RALGAPA1: variants seen among roughly 807,000 people sequenced by gnomAD.
The protein encoded by RALGAPA1 is Ral GTPase activating protein catalytic subunit alpha 1.
Under a neutral mutation model 269.6 loss-of-function variants are expected in RALGAPA1, and 52 were observed. That is an observed-to-expected ratio of 0.19 (90% CI 0.15 to 0.24). The LOEUF (loss-of-function observed/expected upper bound fraction) is 0.24. Ranked by LOEUF, RALGAPA1 falls within the 10% of genes least tolerant of loss-of-function variation. The probability of loss-of-function intolerance (pLI) is 1.00; values close to 1 mark genes in which losing one functional copy is unlikely to be tolerated. For synonymous variants in RALGAPA1, 817 were observed against 1,008.3 expected (o/e 0.81, Z 3.60); for missense variants, 1,917 against 3,013.9 (o/e 0.64, Z 8.52).
chr14:35,751,743 T>C (rs759050442), intron 8 of RALGAPA1, among the ~76,000 whole-genome samples: 54 of 151,360 alleles, frequency 3.6e-4, no homozygotes, highest in Non-Finnish European at 5.0e-4. Context: ...ATTATGCCAT[T>C]GCACTCCAGC....
intron 39 of RALGAPA1, among the ~76,000 whole-genome samples, chr14:35,556,837 T>G (rs947671991): frequency 6.6e-6 from 1 of 152,176 alleles, no homozygotes; most frequent in Non-Finnish European, 1.5e-5. Flanking sequence ...ATAGCCCTAT[T>G]ATTGAAAGCT....
At chr14:35,636,396 T>A (rs762698369) in intron 31 of RALGAPA1, among the ~76,000 whole-genome samples, 19 of 152,042 alleles carry the variant, frequency 1.2e-4, no homozygotes, top group Non-Finnish European at 2.5e-4. Flanking sequence ...CTGGTCTACA[T>A]CTCCCAACAT....
chr14:35,731,437 G>C (rs890724634), intron 12 of RALGAPA1, among the ~76,000 whole-genome samples: 3 of 152,140 alleles, frequency 2.0e-5, no homozygotes, highest in African/African-American at 4.8e-5. Flanking sequence ...AAGCTAATCA[G>C]GGACACACCA....
chr14:35,788,249 G>A (rs1009299711), intron 1 of RALGAPA1, among the ~76,000 whole-genome samples: 3 of 151,984 alleles, frequency 2.0e-5, no homozygotes, highest in African/African-American at 4.8e-5. Context: ...AGGATTACAA[G>A]CTTCAGCCAC....
chr14:35,659,082 C>G, intron 28 of RALGAPA1, 56 bp downstream of exon 28: 1 of 1,345,144 alleles, frequency 7.4e-7, no homozygotes, highest in South Asian at 1.4e-5. Context: ...ATTCAGTCAA[C>G]TTCTAAACTT....
At position 35,635,468 on chromosome 14, in the gene RALGAPA1, T is replaced by G; in HGVS notation, c.5807A>C (p.Tyr1936Ser). ...KTEKSVLNCI[Y>S]KVLHGCVYGA... is the part of the protein sequence containing the mutation. ...TAATAAAGCAAGGAAGTTTACCTTATAAATGCAATTGAGAACAGATTTTTC... is the reference window on the plus strand; with the variant it reads ...TAATAAAGCAAGGAAGTTTACCTTAGAAATGCAATTGAGAACAGATTTTTC... The change falls in exon 32 of 42, where the codon TAT (tyrosine) becomes TCT (serine). Residue 1936 changes from tyrosine to serine, a missense_variant. This residue lies in a region of RALGAPA1 where 346 missense variants were observed against 566.1 expected (regional missense o/e 0.61). Transcript: ENST00000680220. 6.3e-7 allele frequency: 1 copy of G among 1,591,294 alleles called. No homozygotes were observed. Among genetic ancestry groups the G allele is most frequent in the Non-Finnish European group, 8.5e-7 (1 of 1,171,820 alleles).
intron 41 of RALGAPA1, chr14:35,541,723 C>G (rs2054018168): frequency 2.2e-6 from 1 of 456,712 alleles, no homozygotes; most frequent in African/African-American, 2.0e-5. Flanking sequence ...ACGAGAGGCC[C>G]TCCCATTGCT....
rs1175870225 is a variant in RALGAPA1, at chr14:35,664,680, T to C, written c.5290A>G (p.Ile1764Val). 2.5e-6 allele frequency: 4 copies of C among 1,612,546 alleles called. No homozygotes were observed. Among genetic ancestry groups the C allele is most frequent in the Non-Finnish European group, 3.4e-6 (4 of 1,179,354 alleles). ...AACTGAGACACAGCAACATCAGGAATGTTGGGATGAAGAGAAGGCAGTTCA... is the reference window on the plus strand; with the variant it reads ...AACTGAGACACAGCAACATCAGGAACGTTGGGATGAAGAGAAGGCAGTTCA... The part of the protein sequence containing the change: ...YCELPSLHPN[I>V]PDVAVSQFTD... The change falls in exon 27 of 42, where the codon ATT (isoleucine) becomes GTT (valine). Residue 1764 changes from isoleucine to valine, a missense_variant. This residue lies in a region of RALGAPA1 where 346 missense variants were observed against 566.1 expected (regional missense o/e 0.61). Coordinates refer to ENST00000680220, the MANE Select transcript of RALGAPA1 (RefSeq NM_001346249.2).
chr14:35,603,348 C>A (rs943070130), intron 36 of RALGAPA1, among the ~76,000 whole-genome samples: 1 of 152,078 alleles, frequency 6.6e-6, no homozygotes, highest in African/African-American at 2.4e-5. Context: ...TTTTCACATA[C>A]ATAAGCTCAA....
chr14:35,668,015 C>A (rs544976688), intron 26 of RALGAPA1, among the ~76,000 whole-genome samples: 2 of 152,128 alleles, frequency 1.3e-5, no homozygotes, highest in African/African-American at 2.4e-5. Context: ...ATGGGTAGAA[C>A]TGGAGAACAT....
At chr14:35,591,732 C>A (rs951429097) in intron 37 of RALGAPA1, among the ~76,000 whole-genome samples, 5 of 152,194 alleles carry the variant, frequency 3.3e-5, no homozygotes, top group South Asian at 2.1e-4. Flanking sequence ...ACACAGAAAT[C>A]TTTCAATTTG....
chr14:35,662,061 A>G (rs2063571927), intron 27 of RALGAPA1, among the ~76,000 whole-genome samples: 1 of 152,214 alleles, frequency 6.6e-6, no homozygotes, highest in South Asian at 2.1e-4. Flanking sequence ...CAATTCTGTG[A>G]CTATACTAAA....
At chr14:35,778,562 G>A (rs750409017) in intron 1 of RALGAPA1, among the ~76,000 whole-genome samples, 24 of 152,080 alleles carry the variant, frequency 1.6e-4, no homozygotes, top group Non-Finnish European at 3.1e-4. Flanking sequence ...TCTACCTCAG[G>A]ATTTCTAAAA....
At chr14:35,737,359 G>A (rs372808283) in intron 12 of RALGAPA1, among the ~76,000 whole-genome samples, 2 of 152,076 alleles carry the variant, frequency 1.3e-5, no homozygotes, top group Non-Finnish European at 2.9e-5. Context: ...ACAATTGGGC[G>A]ATAATAGTAA....
chr14:35,588,432 A>G (rs1242600619), intron 37 of RALGAPA1, among the ~76,000 whole-genome samples: 2 of 152,244 alleles, frequency 1.3e-5, no homozygotes, highest in Non-Finnish European at 2.9e-5. Context: ...CAAGTTTAAT[A>G]CAGTGAAGTA....
intron 17 of RALGAPA1, among the ~76,000 whole-genome samples, chr14:35,690,305 A>G (rs1334563725): frequency 6.6e-6 from 1 of 152,232 alleles, no homozygotes; most frequent in East Asian, 1.9e-4. Context: ...AGCTGTGCCA[A>G]TAAATCAAGC....
chr14:35,645,346 G>GGTGTGTGTGTGTGT (rs58039867), intron 31 of RALGAPA1, among the ~76,000 whole-genome samples: 3,490 of 129,284 alleles, frequency 0.027, 60 homozygotes, highest in African/African-American at 0.041. Flanking sequence ...TATAGAGATG[G>GGTGTGTGTGTGTGT]GTGTGTGTGT....
intron 17 of RALGAPA1, among the ~76,000 whole-genome samples, chr14:35,691,368 T>C (rs2066467289): frequency 1.3e-5 from 2 of 151,970 alleles, no homozygotes; most frequent in South Asian, 2.1e-4. Context: ...GTAAGTTACC[T>C]AGAAATAACA....
chr14:35,778,232 G>C (rs1372455614), intron 1 of RALGAPA1, among the ~76,000 whole-genome samples: 1 of 152,042 alleles, frequency 6.6e-6, no homozygotes, highest in Non-Finnish European at 1.5e-5. Context: ...GCTAATTTTT[G>C]TAGAGATGGG....
Sources: gnomAD v4.1 joint callset for allele counts (sites outside exome capture counted in the v4.1 genomes callset) on GRCh38, gnomAD v4.1.1 for gene constraint, gnomAD v4.1.1 regional missense constraint, MANE v1.5 for transcripts, NCBI Gene and HGNC (gene_info 2026-07-23, HGNC 2026-07-21) for gene names.